The following TBC1D22A variants were observed in gnomAD, a reference collection of about 807,000 sequenced individuals.
TBC1D22A encodes putative GTPase activator.
A neutral mutation model predicts 60.2 loss-of-function variants in TBC1D22A; 38 were observed. The observed-to-expected ratio is 0.63, with a 90% CI of 0.49 to 0.83. The LOEUF is 0.83. TBC1D22A is among the 40% of genes least tolerant of loss of function. The pLI is 0.00. For synonymous variants in TBC1D22A, 302 were observed against 281.7 expected (o/e 1.07, Z -0.72); for missense variants, 628 against 701.0 (o/e 0.90, Z 1.18).
chr22:46,779,996 T>A (rs1355789734), intron 1 of TBC1D22A, among the ~76,000 whole-genome samples: 1 of 152,242 alleles, frequency 6.6e-6, no homozygotes, highest in Non-Finnish European at 1.5e-5. Context: ...GATGGTGGAA[T>A]TGTTCACTGT....
chr22:46,842,286 T>C (rs1404396375), intron 4 of TBC1D22A, among the ~76,000 whole-genome samples: 1 of 152,232 alleles, frequency 6.6e-6, no homozygotes, highest in Non-Finnish European at 1.5e-5. Flanking sequence ...AAAAGCCATA[T>C]AGGCTGAGCA....
At chr22:46,815,806 G>A (rs771229571) in intron 4 of TBC1D22A, among the ~76,000 whole-genome samples, 1 of 152,122 alleles carries the variant, frequency 6.6e-6, no homozygotes, top group Non-Finnish European at 1.5e-5. Context: ...TGGGTGCCTG[G>A]ACCTCCGTGG....
intron 3 of TBC1D22A, 132 bp downstream of exon 3, chr22:46,793,973 C>A: frequency 1.2e-6 from 1 of 868,112 alleles, no homozygotes; most frequent in Non-Finnish European, 1.7e-6. Flanking sequence ...CCACGAGAGC[C>A]CTTATGGTTC....
rs2074918145 is a variant in TBC1D22A at position 46,990,980 on chromosome 22, T to TGG, written c.1126-6652_1126-6651dup. Among the ~76,000 whole-genome samples the TGG allele has an allele frequency of 1.3e-5, 2 of 152,186 alleles. No homozygotes were observed. Among genetic ancestry groups the TGG allele is most frequent in the Non-Finnish European group, 2.9e-5 (2 of 68,028 alleles). ...GAGGCACTGGTTCCTCTGGCCTGGCTGGGTTGGGAGCCTTCAGCCTTAAAC... is the reference window on the plus strand; with the variant it reads ...GAGGCACTGGTTCCTCTGGCCTGGCTGGGGGTTGGGAGCCTTCAGCCTTAAAC... On this transcript the variant is annotated intron_variant, in intron 9 of 12. Transcript: ENST00000337137. The surrounding 1 kb of genome is among the most constrained non-coding windows in gnomAD (Gnocchi z 4.6).
At chr22:47,155,446 A>G (rs1014507377) in intron 12 of TBC1D22A, among the ~76,000 whole-genome samples, 3 of 152,142 alleles carry the variant, frequency 2.0e-5, no homozygotes, top group African/African-American at 7.2e-5. Flanking sequence ...TGGATTGTCA[A>G]AGAAATCGGC....
chr22:46,798,062 G>T (rs929536555), intron 4 of TBC1D22A, among the ~76,000 whole-genome samples: 3 of 152,078 alleles, frequency 2.0e-5, no homozygotes, highest in African/African-American at 7.2e-5. Flanking sequence ...TTTTTCTACA[G>T]ATACGGGTCT....
At chr22:47,151,478 A>G (rs762545422) in intron 12 of TBC1D22A, among the ~76,000 whole-genome samples, 2 of 152,258 alleles carry the variant, frequency 1.3e-5, no homozygotes, top group African/African-American at 4.8e-5. Flanking sequence ...TAGTGAATCT[A>G]TGAAATCAAC....
chr22:47,060,259 T>TTTTTTTTTA (rs2063523474), intron 11 of TBC1D22A, among the ~76,000 whole-genome samples: 1 of 127,544 alleles, frequency 7.8e-6, no homozygotes, highest in African/African-American at 3.0e-5. Flanking sequence ...TTTTTTTTTT[T>TTTTTTTTTA]GAGATGGAGT....
At chr22:46,941,802 T>TATATATAGA (rs2072156490) in intron 8 of TBC1D22A, among the ~76,000 whole-genome samples, 3 of 138,308 alleles carry the variant, frequency 2.2e-5, no homozygotes, top group Admixed American at 7.4e-5. Flanking sequence ...ATATATAGAA[T>TATATATAGA]ATATATAGAA....
intron 8 of TBC1D22A, among the ~76,000 whole-genome samples, chr22:46,943,372 C>T (rs1212418842): frequency 6.6e-6 from 1 of 152,154 alleles, no homozygotes; most frequent in Non-Finnish European, 1.5e-5. Context: ...AATATGTCTG[C>T]TTTTGTAAGA....
At chr22:46,855,875 A>G (rs573896126) in intron 4 of TBC1D22A, among the ~76,000 whole-genome samples, 1 of 152,212 alleles carries the variant, frequency 6.6e-6, no homozygotes, top group African/African-American at 2.4e-5. Context: ...TCGTAATTAC[A>G]TTGCATACTT....
At chr22:47,007,500 C>T (rs982462222) in intron 10 of TBC1D22A, among the ~76,000 whole-genome samples, 1 of 152,210 alleles carries the variant, frequency 6.6e-6, no homozygotes, top group African/African-American at 2.4e-5. Context: ...TGCTTGGACC[C>T]ATAATAACAT....
intron 4 of TBC1D22A, among the ~76,000 whole-genome samples, chr22:46,820,798 C>T (rs548026262): frequency 2.4e-4 from 37 of 152,256 alleles, no homozygotes; most frequent in African/African-American, 8.9e-4. Context: ...AATTTTCTGT[C>T]TTGTTGATCT....
intron 11 of TBC1D22A, among the ~76,000 whole-genome samples, chr22:47,060,533 C>T (rs1246346085): frequency 2.0e-5 from 3 of 152,164 alleles, no homozygotes; most frequent in East Asian, 1.9e-4. Context: ...CGGGTTCAAA[C>T]GATTCTCCTA....
At chr22:47,159,583 T>G (rs2067886378) in intron 12 of TBC1D22A, among the ~76,000 whole-genome samples, 1 of 151,096 alleles carries the variant, frequency 6.6e-6, no homozygotes, top group African/African-American at 2.4e-5. Flanking sequence ...ACACCACAGT[T>G]ATGTACACGT....
At chr22:46,832,794 T>C (rs2086367433) in intron 4 of TBC1D22A, among the ~76,000 whole-genome samples, 1 of 152,234 alleles carries the variant, frequency 6.6e-6, no homozygotes, top group Non-Finnish European at 1.5e-5. Flanking sequence ...CTGAAGTCAT[T>C]GGCCAGCGAC....
At chr22:47,149,255 C>A (rs925989138) in intron 12 of TBC1D22A, among the ~76,000 whole-genome samples, 1 of 152,282 alleles carries the variant, frequency 6.6e-6, no homozygotes, top group African/African-American at 2.4e-5. Context: ...GAGGTGAGCT[C>A]ACGGCCCGGC....
At chr22:47,092,595 T>G (rs1455272185) in intron 11 of TBC1D22A, among the ~76,000 whole-genome samples, 1 of 152,178 alleles carries the variant, frequency 6.6e-6, no homozygotes, top group African/African-American at 2.4e-5. Flanking sequence ...GATGCAGACC[T>G]GTGAGCCTCA....
At chr22:46,854,004 C>T (rs2087432093) in intron 4 of TBC1D22A, among the ~76,000 whole-genome samples, 1 of 152,202 alleles carries the variant, frequency 6.6e-6, no homozygotes, top group South Asian at 2.1e-4. Context: ...CCCCGATTTC[C>T]CCCGCTGTCT....
Sources: allele counts gnomAD v4.1 joint callset (sites outside exome capture counted in the v4.1 genomes callset), GRCh38; gene constraint gnomAD v4.1.1; non-coding constraint Gnocchi (gnomAD v3.1); transcripts MANE v1.5; gene names NCBI Gene and HGNC (gene_info 2026-07-23, HGNC 2026-07-21).